Variants in SNX31 observed in about 807,000 individuals in gnomAD.
The protein encoded by SNX31 is sorting nexin 31.
In SNX31, 58 loss-of-function variants were observed where a neutral mutation model predicts 65.4. The observed-to-expected ratio is 0.89, with a 90% CI of 0.72 to 1.10. The LOEUF (loss-of-function observed/expected upper bound fraction) is 1.10, where lower values mean the gene tolerates loss of function less well. Among genes scored for constraint, SNX31 ranks in the 50% least tolerant of loss-of-function variants. The pLI, the probability that SNX31 is intolerant of heterozygous loss-of-function variation, is 0.00. For synonymous variants in SNX31, 181 were observed against 190.1 expected, an observed-to-expected ratio of 0.95 and a Z score of 0.39; for missense variants, 523 against 529.7, an observed-to-expected ratio of 0.99 and a Z score of 0.12.
In SNX31 at chr8:100,649,581, G is replaced by T; in HGVS notation, c.-67C>A. The T allele has an allele frequency of 1.4e-6, 2 of 1,445,354 alleles. No individual in the cohort carries two copies. Among genetic ancestry groups the T allele is most frequent in the South Asian group, 2.5e-5 (2 of 80,270 alleles). 89.5% of individuals were successfully genotyped at this position (1,445,354 alleles called of 1,614,324 possible). A position where few individuals can be genotyped will look rare whatever the true frequency, so the allele number is the denominator to read the frequency against. ...GCGGCGGCGGGCGGTGCGCGGCTCTGAACTCGGCAGCGGTGGACGCAGCGC... is the reference window on the plus strand; with the variant it reads ...GCGGCGGCGGGCGGTGCGCGGCTCTTAACTCGGCAGCGGTGGACGCAGCGC... On this transcript the variant is annotated 5_prime_UTR_variant, in exon 1 of 14. Coordinates refer to ENST00000311812, the MANE Select transcript of SNX31 (RefSeq NM_152628.4).
At chr8:100,581,132 C>G (rs929355263) in intron 12 of SNX31, among the ~76,000 whole-genome samples, 1 of 79,646 alleles carries the variant, frequency 1.3e-5, no homozygotes, top group African/African-American at 4.6e-5. Flanking sequence ...CTTACCTCTA[C>G]AAAAAAAAAA....
chr8:100,640,364 G>A (rs1819080794), intron 2 of SNX31, among the ~76,000 whole-genome samples: 1 of 152,198 alleles, frequency 6.6e-6, no homozygotes, highest in Non-Finnish European at 1.5e-5. Flanking sequence ...GACCTCAGGT[G>A]ATCCACCCAC....
chr8:100,588,247 T>TA lies in SNX31; in HGVS notation c.1092+618dup, dbSNP rs921244947. The stretch of plus-strand genomic sequence containing the variant: ...ATGTATATGCAAATATTTCAAGATT[T>TA]AAAAAAATCTGCAATTGGAAACAAT... On this transcript the variant is annotated intron_variant, in intron 11 of 13. Transcript: ENST00000311812. This position sits in a 1 kb window ranked among gnomAD's most constrained non-coding sequence, Gnocchi z 4.8. Among the ~76,000 whole-genome samples, 2 of 152,192 alleles carry TA rather than the reference T, an allele frequency of 1.3e-5. No individual in the cohort carries two copies. The highest frequency in any genetic ancestry group is 2.1e-4 in the South Asian group (1 of 4,834).
At chr8:100,583,033 T>A (rs1813699897) in intron 12 of SNX31, among the ~76,000 whole-genome samples, 1 of 151,572 alleles carries the variant, frequency 6.6e-6, no homozygotes, top group African/African-American at 2.4e-5. Flanking sequence ...TTTTCTATTA[T>A]ATTTTAAAAT....
chr8:100,639,380 C>T (rs1203468200), intron 2 of SNX31, among the ~76,000 whole-genome samples: 1 of 152,174 alleles, frequency 6.6e-6, no homozygotes, highest in South Asian at 2.1e-4. Flanking sequence ...GGCAAAGAAA[C>T]TAACTGTACA....
chr8:100,648,322 C>CTTT lies in SNX31; in HGVS notation c.141+949_141+951dup, dbSNP rs33988254. ...GAAAGTTTTTTCAGTTTTCTCTACA[C>CTTT]TTTTTTTTTTTTTTTTTTTAATAGA... On this transcript the variant is annotated intron_variant, in intron 2 of 13. Transcript: ENST00000311812. The surrounding 1 kb of genome is among the most constrained non-coding windows in gnomAD (Gnocchi z 4.3). 0.1 allele frequency among the ~76,000 whole-genome samples: 13,297 copies of CTTT among 131,242 alleles called. 989 individuals are homozygous for CTTT. The highest frequency in any genetic ancestry group is 0.19 in the African/African-American group (6,734 of 34,976). 86.1% of individuals were successfully genotyped at this position (131,242 alleles called of 152,430 possible).
At position 100,578,807 on chromosome 8, in the gene SNX31, C is replaced by T. The variant is rs147900375; in HGVS notation, c.1171-1732G>A. On this transcript the variant is annotated intron_variant, in intron 12 of 13. Transcript: ENST00000311812. This position sits in a 1 kb window ranked among gnomAD's most constrained non-coding sequence, Gnocchi z 4.7. ...CACAATCTTGGCTCACTGCAACCTC[C>T]ACCTCCTGGATTCAAGCGATTCTCC... Among the ~76,000 whole-genome samples the T allele has an allele frequency of 9.1e-3, 1,381 of 151,864 alleles. 23 individuals carry two copies. Among genetic ancestry groups the T allele is most frequent in the African/African-American group, 0.031 (1,301 of 41,370 alleles).
At chr8:100,652,013 C>T (rs1487758570), upstream of SNX31, among the ~76,000 whole-genome samples, 1 of 151,998 alleles carries the variant, frequency 6.6e-6, no homozygotes, top group Non-Finnish European at 1.5e-5. Context: ...GTGTCTTGCT[C>T]AGTCACCCAG....
At chr8:100,618,399 T>TG in intron 4 of SNX31, 2 of 1,422,128 alleles carry the variant, frequency 1.4e-6, no homozygotes, top group Non-Finnish European at 1.9e-6. Context: ...TAATTGTGGG[T>TG]GGGGGCAGGG....
At chr8:100,617,817 T>C in intron 4 of SNX31, 87 bp from the exon 5 acceptor site, 1 of 1,033,312 alleles carries the variant, frequency 9.7e-7, no homozygotes. Flanking sequence ...CAGGCTGGAG[T>C]GCAATGGCGT....
At chr8:100,634,989 C>A (rs1818657886) in intron 3 of SNX31, among the ~76,000 whole-genome samples, 1 of 150,798 alleles carries the variant, frequency 6.6e-6, no homozygotes. Context: ...CTTGACCCCC[C>A]AGGAGACCAA....
intron 7 of SNX31, 109 bp downstream of exon 7, chr8:100,611,891 G>T (rs1816743609): frequency 6.2e-6 from 5 of 810,522 alleles, no homozygotes; most frequent in Non-Finnish European, 4.1e-6. Context: ...CTAAGTTCTT[G>T]GTCTCCAGCT....
chr8:100,651,042 G>A (rs1819957939), upstream of SNX31, among the ~76,000 whole-genome samples: 1 of 152,118 alleles, frequency 6.6e-6, no homozygotes, highest in Admixed American at 6.5e-5. Flanking sequence ...AGTAGAGACA[G>A]GGTTTCTCCA....
chr8:100,639,777 T>C (rs28773475), intron 2 of SNX31, among the ~76,000 whole-genome samples: 72,377 of 151,780 alleles, frequency 0.48, 17,501 homozygotes, highest in African/African-American at 0.55. Flanking sequence ...TAGATTGCAA[T>C]ACCATTCTAC....
At position 100,573,754 on chromosome 8, in the gene SNX31, G is replaced by A. The variant is rs574034373; in HGVS notation, c.*111C>T. On this transcript the variant is annotated 3_prime_UTR_variant, in exon 14 of 14. Coordinates refer to ENST00000311812, the MANE Select transcript of SNX31 (RefSeq NM_152628.4). ...CAGTCCATGTTAATGCCAAAAAAAT[G>A]GGAAGAGGTCAAATTTCCTCCACTG... 16 of 623,370 alleles carry A rather than the reference G, an allele frequency of 2.6e-5. No homozygotes were observed. The highest frequency in any genetic ancestry group is 2.4e-4 in the South Asian group (10 of 41,728). 38.6% of individuals were successfully genotyped at this position (623,370 alleles called of 1,614,324 possible).
rs115709510 is a variant in SNX31 at position 100,662,315 on chromosome 8, G to A, written c.-58+827C>T. 6.5e-3 allele frequency among the ~76,000 whole-genome samples: 996 copies of A among 152,336 alleles called. 13 individuals are homozygous for A. The highest frequency in any genetic ancestry group is 0.023 in the African/African-American group (962 of 41,566). On this transcript the variant is annotated intron_variant, in intron 1 of 5. Coordinates refer to the SNX31 transcript ENST00000520352. ...GTATTCTCAACTGTCATGTTAAACT[G>A]CTATGATCACTCAGCAATGCCTGTC...
intron 1 of SNX31, among the ~76,000 whole-genome samples, chr8:100,661,607 C>A (rs1809788607): frequency 6.6e-6 from 1 of 152,100 alleles, no homozygotes; most frequent in South Asian, 2.1e-4. Context: ...TGGTTCACTG[C>A]AGCCTCGACC....
At chr8:100,646,352 G>A (rs1819639203) in intron 2 of SNX31, among the ~76,000 whole-genome samples, 1 of 152,188 alleles carries the variant, frequency 6.6e-6, no homozygotes. Flanking sequence ...GACCCGGCAA[G>A]CAAAAGTGGT....
At chr8:100,601,799 G>A (rs1815654304) in intron 8 of SNX31, among the ~76,000 whole-genome samples, 1 of 152,212 alleles carries the variant, frequency 6.6e-6, no homozygotes, top group Admixed American at 6.5e-5. Context: ...AAATCGCCTT[G>A]AAGGCAATGG....
Sources: gnomAD v4.1 joint callset for allele counts (sites outside exome capture counted in the v4.1 genomes callset) on GRCh38, gnomAD v4.1.1 for gene constraint, Gnocchi (gnomAD v3.1) non-coding constraint, MANE v1.5 for transcripts, NCBI Gene and HGNC (gene_info 2026-07-23, HGNC 2026-07-21) for gene names.